PDE11A: variants seen among roughly 807,000 people sequenced by gnomAD.
PDE11A encodes dual 3',5'-cyclic-AMP and -GMP phosphodiesterase 11A.
Under a neutral mutation model 100.5 loss-of-function variants are expected in PDE11A, and 100 were observed. The ratio of observed to expected loss-of-function variants is 1.00; its 90% CI spans 0.85 to 1.18. The LOEUF (loss-of-function observed/expected upper bound fraction) is 1.18. Ranked by LOEUF, PDE11A falls within the 50% of genes most tolerant of loss-of-function variation. PDE11A has a pLI of 0.00. For synonymous variants in PDE11A, 381 were observed against 420.8 expected, an observed-to-expected ratio of 0.91 and a Z score of 1.16; for missense variants, 1,141 against 1,152.6, an observed-to-expected ratio of 0.99 and a Z score of 0.15.
intron 5 of PDE11A, among the ~76,000 whole-genome samples, chr2:177,856,904 C>T (rs896228174): frequency 2.6e-5 from 4 of 151,928 alleles, no homozygotes; most frequent in Non-Finnish European, 4.4e-5. Context: ...TGGTTGAAAA[C>T]TTCCCATACT....
intron 2 of PDE11A, chr2:177,997,419 C>A (rs1177163287): frequency 1.6e-5 from 13 of 826,828 alleles, no homozygotes; most frequent in Non-Finnish European, 2.8e-5. Flanking sequence ...CCAATCTCAA[C>A]CTTTTATACA....
chr2:177,869,574 T>C (rs912669908), intron 5 of PDE11A, among the ~76,000 whole-genome samples: 3 of 152,226 alleles, frequency 2.0e-5, no homozygotes, highest in African/African-American at 7.2e-5. Flanking sequence ...CAGACTCACC[T>C]AGACAATCCA....
intron 17 of PDE11A, among the ~76,000 whole-genome samples, chr2:177,672,630 G>A (rs911042799): frequency 6.6e-5 from 10 of 152,124 alleles, no homozygotes; most frequent in East Asian, 1.9e-4. Flanking sequence ...TACAGTCTTC[G>A]GAGATGAGAT....
chr2:177,794,264 A>G (rs1041472355), intron 9 of PDE11A, among the ~76,000 whole-genome samples: 6 of 152,140 alleles, frequency 3.9e-5, no homozygotes, highest in African/African-American at 1.4e-4. Flanking sequence ...CCGTGTGGAT[A>G]TCAGGATGAG....
rs146530777 is a variant in PDE11A, at chr2:178,064,367, T to C, written c.912+7159A>G. ...CCAAGGTTACCTTTTATGGACTGTC[T>C]TTGGGGATACAGAATCTCACGAATA... On this transcript the variant is annotated intron_variant, in intron 1 of 19. Coordinates refer to ENST00000286063, the MANE Select transcript of PDE11A (RefSeq NM_016953.4). 7.2e-5 allele frequency among the ~76,000 whole-genome samples: 11 copies of C among 152,294 alleles called. No individual in the cohort carries two copies. In the East Asian group the frequency reaches 1.9e-3, roughly 27 times the overall value.
At chr2:177,745,607 C>G (rs924475234) in intron 10 of PDE11A, among the ~76,000 whole-genome samples, 3 of 152,192 alleles carry the variant, frequency 2.0e-5, no homozygotes, top group African/African-American at 7.2e-5. Flanking sequence ...GCCAGCAAAG[C>G]CCAGGTCCTG....
At chr2:177,703,380 G>A (rs2081229702) in intron 13 of PDE11A, among the ~76,000 whole-genome samples, 1 of 152,112 alleles carries the variant, frequency 6.6e-6, no homozygotes, top group South Asian at 2.1e-4. Context: ...CACACAGCTA[G>A]CTTGTACCAG....
intron 1 of PDE11A, among the ~76,000 whole-genome samples, chr2:178,016,131 A>ATTTTTTTTTTTTTTTTT (rs55638601): frequency 1.3e-4 from 11 of 83,742 alleles, no homozygotes; most frequent in South Asian, 4.8e-4. Context: ...TGCCTGGCTA[A>ATTTTTTTTTTTTTTTTT]TTTTTTTTTT....
intron 9 of PDE11A, among the ~76,000 whole-genome samples, chr2:177,789,339 T>C (rs1364532017): frequency 6.6e-6 from 1 of 152,022 alleles, no homozygotes; most frequent in African/African-American, 2.4e-5. Context: ...AATTCAACAA[T>C]GCTTCATGCT....
intron 10 of PDE11A, among the ~76,000 whole-genome samples, chr2:177,735,217 A>G (rs1442029881): frequency 6.6e-6 from 1 of 152,218 alleles, no homozygotes; most frequent in Non-Finnish European, 1.5e-5. Context: ...CCTTAATTCC[A>G]AACTGTCATT....
intron 5 of PDE11A, among the ~76,000 whole-genome samples, chr2:177,873,692 C>T (rs901091828): frequency 6.6e-6 from 1 of 152,168 alleles, no homozygotes; most frequent in African/African-American, 2.4e-5. Context: ...TCTCCTGTCC[C>T]TGGAAATGAA....
chr2:177,789,072 C>T (rs2082587297), intron 9 of PDE11A, among the ~76,000 whole-genome samples: 1 of 152,162 alleles, frequency 6.6e-6, no homozygotes, highest in Non-Finnish European at 1.5e-5. Flanking sequence ...CAAAGCCGGG[C>T]AGAGACACAA....
intron 2 of PDE11A, among the ~76,000 whole-genome samples, chr2:178,096,330 ATTT>A (rs35631942): frequency 1.5e-5 from 2 of 137,552 alleles, no homozygotes. Flanking sequence ...AGCCCAGCTA[ATTT>A]TTTTTTTTTT....
At chr2:177,913,077 CT>C (rs1246440017) in intron 2 of PDE11A, among the ~76,000 whole-genome samples, 1 of 152,074 alleles carries the variant, frequency 6.6e-6, no homozygotes, top group Non-Finnish European at 1.5e-5. Flanking sequence ...CATTGAATTG[CT>C]CACTTGAAAT....
chr2:177,736,390 G>C (rs757293916), intron 10 of PDE11A, among the ~76,000 whole-genome samples: 1 of 152,054 alleles, frequency 6.6e-6, no homozygotes, highest in Non-Finnish European at 1.5e-5. Context: ...TGGGTGTGGT[G>C]GTGGGCACCT....
At chr2:177,849,515 A>T (rs1282105621) in intron 5 of PDE11A, among the ~76,000 whole-genome samples, 1 of 152,206 alleles carries the variant, frequency 6.6e-6, no homozygotes, top group Non-Finnish European at 1.5e-5. Flanking sequence ...AATGTGCAAA[A>T]ATCACAAGCA....
chr2:177,642,873 A>G (rs541763343), intron 19 of PDE11A, among the ~76,000 whole-genome samples: 1 of 152,266 alleles, frequency 6.6e-6, no homozygotes, highest in South Asian at 2.1e-4. Context: ...TTCCCATGCT[A>G]TTCTCGTGAT....
intron 5 of PDE11A, among the ~76,000 whole-genome samples, chr2:177,862,883 T>C (rs1451459149): frequency 6.6e-6 from 1 of 151,880 alleles, no homozygotes; most frequent in Non-Finnish European, 1.5e-5. Context: ...AAAACAATAC[T>C]GAGAAAGACA....
chr2:177,988,883 T>C (rs2085971010), intron 2 of PDE11A, among the ~76,000 whole-genome samples: 1 of 152,148 alleles, frequency 6.6e-6, no homozygotes, highest in East Asian at 1.9e-4. Flanking sequence ...CTTTGTGAGG[T>C]CTTCTGTAGT....
Sources: allele counts gnomAD v4.1 joint callset (sites outside exome capture counted in the v4.1 genomes callset), GRCh38; gene constraint gnomAD v4.1.1; transcripts MANE v1.5; gene names NCBI Gene and HGNC (gene_info 2026-07-23, HGNC 2026-07-21).